CIITA: variants seen among roughly 807,000 people sequenced by gnomAD.
CIITA encodes class II major histocompatibility complex transactivator.
Under a neutral mutation model 115.1 loss-of-function variants are expected in CIITA, and 72 were observed. The ratio of observed to expected loss-of-function variants is 0.63; its 90% CI spans 0.52 to 0.76. CIITA has a LOEUF of 0.76. Among genes scored for constraint, CIITA ranks in the 30% least tolerant of loss-of-function variants. The pLI is 0.00. For synonymous variants in CIITA, 763 were observed against 635.6 expected, an observed-to-expected ratio of 1.20 and a Z score of -3.02; for missense variants, 1,617 against 1,463.8, an observed-to-expected ratio of 1.10 and a Z score of -1.71.
Position 10,934,921 on chromosome 16 carries a change from G to A in CIITA, c.*11066G>A, listed in dbSNP as rs1567465590. 1.3e-5 allele frequency: 2 copies of A among 152,184 alleles called. No homozygotes were observed. The highest frequency in any genetic ancestry group is 4.8e-5 in the African/African-American group (2 of 41,438). 9.4% of individuals were successfully genotyped at this position (152,184 alleles called of 1,614,324 possible). A position where few individuals can be genotyped will look rare whatever the true frequency, so the allele number is the denominator to read the frequency against. On this transcript the variant is annotated 3_prime_UTR_variant, in exon 20 of 20. Transcript: ENST00000324288. The surrounding 1 kb of genome is among the most constrained non-coding windows in gnomAD (Gnocchi z 4.2). ...TGCCCACACAGACACACCCTCCTTGGTAACCAGTCCTCAGGAGGAAGGGCA... is the reference window on the plus strand; with the variant it reads ...TGCCCACACAGACACACCCTCCTTGATAACCAGTCCTCAGGAGGAAGGGCA...
intron 1 of CIITA, among the ~76,000 whole-genome samples, chr16:10,868,938 T>G (rs1020701555): frequency 6.6e-6 from 1 of 152,362 alleles, no homozygotes; most frequent in African/African-American, 2.4e-5. Context: ...CCTCCAGGGC[T>G]GCCAGGCTTG....
At chr16:10,922,894 C>T in intron 18 of CIITA, 1 of 498,436 alleles carries the variant, frequency 2.0e-6, no homozygotes, top group South Asian at 2.3e-5. Context: ...TATATTCTTT[C>T]AAAGCACTTT....
At chr16:10,869,401 C>T (rs1005508557) in intron 1 of CIITA, among the ~76,000 whole-genome samples, 3 of 152,312 alleles carry the variant, frequency 2.0e-5, no homozygotes, top group South Asian at 2.1e-4. Flanking sequence ...TCTTGGTCAA[C>T]CTCCTAAATT....
intron 1 of CIITA, among the ~76,000 whole-genome samples, chr16:10,890,298 T>C (rs545567355): frequency 4.0e-4 from 60 of 151,704 alleles, no homozygotes; most frequent in Non-Finnish European, 7.8e-4. Flanking sequence ...TTTTTTTTTT[T>C]TCTGAGACAC....
At chr16:10,917,481 A>ATT (rs36011152) in intron 15 of CIITA, among the ~76,000 whole-genome samples, 18,695 of 132,688 alleles carry the variant, frequency 0.14, 1,615 homozygotes, top group Admixed American at 0.27. Context: ...GTTCAATGGG[A>ATT]TTTTTTTTTT....
chr16:10,908,201 G>C (rs777586065), intron 11 of CIITA, 52 bp downstream of exon 11: 1 of 1,546,634 alleles, frequency 6.5e-7, no homozygotes, highest in Admixed American at 2.0e-5. Context: ...CATTAACTGC[G>C]GTCTTGGTGC....
At chr16:10,886,797 G>T (rs149443072) in intron 1 of CIITA, among the ~76,000 whole-genome samples, 272 of 152,342 alleles carry the variant, frequency 1.8e-3, no homozygotes, top group Non-Finnish European at 2.2e-3. Context: ...ACTCAGAGAG[G>T]TTGAGTAACA....
intron 1 of CIITA, among the ~76,000 whole-genome samples, chr16:10,890,372 A>C: frequency 6.7e-6 from 1 of 149,298 alleles, no homozygotes; most frequent in East Asian, 2.0e-4. Flanking sequence ...CAGCCTTGAC[A>C]CCTCCCCAGG....
intron 5 of CIITA, among the ~76,000 whole-genome samples, chr16:10,899,862 T>C (rs1455442292): frequency 6.6e-6 from 1 of 152,062 alleles, no homozygotes; most frequent in Non-Finnish European, 1.5e-5. Flanking sequence ...GACGGATCAC[T>C]TGAGGTCAGG....
At chr16:10,908,847 G>C (rs1173590237) in intron 11 of CIITA, 182 bp from the exon 12 acceptor site, 3 of 809,766 alleles carry the variant, frequency 3.7e-6, no homozygotes, top group Non-Finnish European at 6.1e-6. Context: ...ACCACTGTGT[G>C]AGTTGTGAGA....
chr16:10,903,825 C>T lies in CIITA; in HGVS notation c.867C>T (p.Pro289=), dbSNP rs750381795. 3.1e-6 allele frequency: 5 copies of T among 1,614,254 alleles called. No homozygotes were observed. The South Asian group carries it at 3.3e-5, about 11-fold the overall frequency. ...TSPDRPGSTS[P]FAPSATDLPS... ...CAGACCGGCCAGGCTCCACCAGCCC[C>T]TTCGCTCCATCAGCCACTGACCTGC... is the stretch of plus-strand genomic sequence containing the variant. The change falls in exon 9 of 20, where the codon CCC becomes CCT. Residue 289 remains proline (P), a synonymous_variant. Transcript: ENST00000324288.
intron 8 of CIITA, among the ~76,000 whole-genome samples, chr16:10,903,053 C>G (rs769806122): frequency 6.6e-6 from 1 of 152,164 alleles, no homozygotes; most frequent in Admixed American, 6.5e-5. Flanking sequence ...CCCTTCTGAC[C>G]CTTAGTTTTT....
intron 1 of CIITA, among the ~76,000 whole-genome samples, chr16:10,868,259 C>CTGCCCAGGGGTGACGCAACT (rs140192334): frequency 0.017 from 2,542 of 152,258 alleles, 81 homozygotes; most frequent in African/African-American, 0.058. Context: ...AAAACAGACT[C>CTGCCCAGGGGTGACGCAACT]TGCCCAGGGG....
At chr16:10,922,295 G>T in intron 17 of CIITA, 45 bp downstream of exon 17, 1 of 1,608,872 alleles carries the variant, frequency 6.2e-7, no homozygotes, top group Non-Finnish European at 8.5e-7. Context: ...CCCGGGGTGG[G>T]AGACACTGAA....
At chr16:10,882,571 A>C (rs1393852850) in intron 1 of CIITA, among the ~76,000 whole-genome samples, 1 of 152,062 alleles carries the variant, frequency 6.6e-6, no homozygotes, top group Non-Finnish European at 1.5e-5. Flanking sequence ...TTAGGAAAAA[A>C]ATATATAAAT....
Position 10,907,110 on chromosome 16 carries a change from G to C in CIITA, c.1618G>C (p.Gly540Arg). 1 of 1,611,006 alleles carries C rather than the reference G, an allele frequency of 6.2e-7. No homozygotes were observed. Among genetic ancestry groups the C allele is most frequent in the Non-Finnish European group, 8.5e-7 (1 of 1,179,798 alleles). The change falls in exon 11 of 20, where the codon GGT becomes CGT. Residue 540 changes from glycine (G) to arginine (R), a missense_variant. Transcript: ENST00000324288. This position sits in a 1 kb window ranked among gnomAD's most constrained non-coding sequence, Gnocchi z 5.0. ...AGLFQKKLLR[G>R]CTLLLTARPR... ...CCTTTTCCAGAAGAAGCTGCTCCGA[G>C]GTTGCACCCTCCTCCTCACAGCCCG...
downstream of CIITA, chr16:10,937,748 C>G (rs2041049018): frequency 6.6e-6 from 1 of 152,304 alleles, no homozygotes; most frequent in South Asian, 2.1e-4. The surrounding 1 kb of genome is among the most constrained non-coding windows in gnomAD (Gnocchi z 4.2). Context: ...AGGCCAGCCA[C>G]TGCAGCCCTT....
chr16:10,866,510 G>T (rs1448773588), intron 1 of CIITA: 1 of 557,118 alleles, frequency 1.8e-6, no homozygotes, highest in South Asian at 1.4e-5. Flanking sequence ...CTCCTGGGGT[G>T]GGCCCGGAGT....
rs2040481720 is a variant in CIITA at position 10,925,191 on chromosome 16, T to C, written c.*1336T>C. 1 of 152,234 alleles carries C rather than the reference T, an allele frequency of 6.6e-6. No individual in the cohort carries two copies. Among genetic ancestry groups the C allele is most frequent in the Non-Finnish European group, 1.5e-5 (1 of 68,056 alleles). The allele number at this position is 152,234 out of a possible 1,614,324, so 9.4% of individuals were successfully genotyped here. ...GCTAGGACCCCTCCATGTGGGCTAG[T>C]TGGGCTTCCTCATAGTATGGTGGCT... is the stretch of plus-strand genomic sequence containing the variant. On this transcript the variant is annotated 3_prime_UTR_variant, in exon 20 of 20. Transcript: ENST00000324288.
Sources: gnomAD v4.1 joint callset for allele counts (sites outside exome capture counted in the v4.1 genomes callset) on GRCh38, gnomAD v4.1.1 for gene constraint, Gnocchi (gnomAD v3.1) non-coding constraint, MANE v1.5 for transcripts, NCBI Gene and HGNC (gene_info 2026-07-23, HGNC 2026-07-21) for gene names.